The following CYTH1 variants were observed in gnomAD, a reference collection of about 807,000 sequenced individuals.
The protein encoded by CYTH1 is cytohesin 1, also known as cytohesin-1.
A neutral mutation model predicts 61.8 loss-of-function variants in CYTH1; 18 were observed. The observed-to-expected ratio is 0.29, with a 90% CI of 0.20 to 0.43. CYTH1 has a LOEUF of 0.43. Among genes scored for constraint, CYTH1 ranks in the 20% least tolerant of loss-of-function variants. The probability of loss-of-function intolerance (pLI) is 1.00; values close to 1 mark genes in which losing one functional copy is unlikely to be tolerated. For synonymous variants in CYTH1, 174 were observed against 184.3 expected (o/e 0.94, Z 0.45); for missense variants, 336 against 510.5 (o/e 0.66, Z 3.29).
chr17:78,706,286 C>A (rs1450324953), intron 3 of CYTH1, among the ~76,000 whole-genome samples: 1 of 152,032 alleles, frequency 6.6e-6, no homozygotes, highest in Non-Finnish European at 1.5e-5. Context: ...CCTTCCTAGT[C>A]AACCCCACCC....
intron 1 of CYTH1, among the ~76,000 whole-genome samples, chr17:78,776,994 G>A (rs143109332): frequency 2.0e-5 from 3 of 151,796 alleles, no homozygotes; most frequent in South Asian, 4.1e-4. Flanking sequence ...GCGTGGTGAC[G>A]CATGCCTGTA....
rs7212406 is a variant in CYTH1, at chr17:78,717,841, G to A, written c.23-8109C>T. On this transcript the variant is annotated intron_variant, in intron 1 of 13. Transcript: ENST00000446868. The surrounding 1 kb of genome is among the most constrained non-coding windows in gnomAD (Gnocchi z 4.4). ...GTGTCCAAGGCATGCTTTAGGACCAGGATGTCTCTTTGAGGTCATCCAGCT... is the reference window on the plus strand; with the variant it reads ...GTGTCCAAGGCATGCTTTAGGACCAAGATGTCTCTTTGAGGTCATCCAGCT... 0.067 allele frequency among the ~76,000 whole-genome samples: 10,239 copies of A among 152,154 alleles called. 686 individuals carry two copies. Among genetic ancestry groups the A allele is most frequent in the African/African-American group, 0.17 (6,857 of 41,472 alleles).
At chr17:78,760,439 A>ATG (rs1476369925) in intron 1 of CYTH1, among the ~76,000 whole-genome samples, 2 of 58,550 alleles carry the variant, frequency 3.4e-5, no homozygotes, top group African/African-American at 1.4e-4. Context: ...ATACATATAT[A>ATG]TATGTATATA....
At chr17:78,694,394 C>G (rs1015648830) in intron 10 of CYTH1, among the ~76,000 whole-genome samples, 3 of 152,124 alleles carry the variant, frequency 2.0e-5, no homozygotes, top group Admixed American at 1.3e-4. Context: ...TGCCACTGGT[C>G]CCTAAAGGTT....
chr17:78,772,315 T>C (rs1367416677), intron 1 of CYTH1, among the ~76,000 whole-genome samples: 1 of 152,180 alleles, frequency 6.6e-6, no homozygotes, highest in Non-Finnish European at 1.5e-5. Flanking sequence ...CTTTCATCTC[T>C]CCTGTTCCAA....
intron 1 of CYTH1, among the ~76,000 whole-genome samples, chr17:78,710,573 C>A (rs1450501532): frequency 6.6e-6 from 1 of 152,206 alleles, no homozygotes; most frequent in African/African-American, 2.4e-5. Flanking sequence ...ATCAAACAAA[C>A]CAGGTTCAAA....
intron 1 of CYTH1, among the ~76,000 whole-genome samples, chr17:78,756,017 T>G (rs1811529461): frequency 6.6e-6 from 1 of 151,862 alleles, no homozygotes; most frequent in African/African-American, 2.4e-5. Context: ...GTTTCACTGG[T>G]GTACAAAACT....
rs910287345 is a variant in CYTH1, at chr17:78,694,226, G to A, written c.815-1733C>T. ...TGCTGAACCCTAGGCGGGCTTACGT[G>A]ACTGATCATTAATTGCCAAGATTCC... On this transcript the variant is annotated intron_variant, in intron 10 of 13. Transcript: ENST00000446868. 2.6e-5 allele frequency among the ~76,000 whole-genome samples: 4 copies of A among 152,220 alleles called. No individual in the cohort carries two copies. The South Asian group carries it at 6.2e-4, about 24-fold the overall frequency.
At chr17:78,682,716 C>T (rs73999200) in intron 11 of CYTH1, among the ~76,000 whole-genome samples, 2,440 of 152,326 alleles carry the variant, frequency 0.016, 66 homozygotes, top group African/African-American at 0.056. Flanking sequence ...GCCCAGCATT[C>T]CTGCCTTCAG....
At chr17:78,733,535 G>A (rs1336695047) in intron 1 of CYTH1, among the ~76,000 whole-genome samples, 1 of 152,182 alleles carries the variant, frequency 6.6e-6, no homozygotes, top group Non-Finnish European at 1.5e-5. Context: ...CGCAGCCTGT[G>A]CTTGGAGCTG....
chr17:78,760,396 CAT>C (rs200639118), intron 1 of CYTH1, among the ~76,000 whole-genome samples: 6,483 of 39,756 alleles, frequency 0.16, 805 homozygotes, highest in Non-Finnish European at 0.23. Flanking sequence ...CACACACATA[CAT>C]ATATATATGT....
chr17:78,755,479 A>C (rs2093396871), intron 1 of CYTH1, among the ~76,000 whole-genome samples: 1 of 83,938 alleles, frequency 1.2e-5, no homozygotes, highest in Non-Finnish European at 2.2e-5. Context: ...TGATGTTGGC[A>C]GTGGGTTTAT....
chr17:78,688,165 G>C (rs192187902), intron 11 of CYTH1, among the ~76,000 whole-genome samples: 1 of 152,316 alleles, frequency 6.6e-6, no homozygotes, highest in African/African-American at 2.4e-5. Context: ...CCTGAGTAGT[G>C]AAACCAGAAA....
chr17:78,716,378 G>T (rs2093180677), intron 1 of CYTH1, among the ~76,000 whole-genome samples: 2 of 152,132 alleles, frequency 1.3e-5, no homozygotes, highest in South Asian at 4.1e-4. Flanking sequence ...TACAACTATG[G>T]TCACTAGAAA....
At chr17:78,692,853 A>G (rs2092902396) in intron 10 of CYTH1, among the ~76,000 whole-genome samples, 2 of 152,074 alleles carry the variant, frequency 1.3e-5, no homozygotes, top group Non-Finnish European at 2.9e-5. Context: ...AAAGAACAGA[A>G]AAAGAGGGAA....
chr17:78,692,724 G>A (rs761799800), intron 10 of CYTH1, among the ~76,000 whole-genome samples: 17 of 151,920 alleles, frequency 1.1e-4, no homozygotes, highest in East Asian at 1.9e-4. Context: ...GGTGACACCC[G>A]GAGATGGAAT....
At chr17:78,713,669 C>A (rs954782550) in intron 1 of CYTH1, among the ~76,000 whole-genome samples, 2 of 149,166 alleles carry the variant, frequency 1.3e-5, no homozygotes, top group Non-Finnish European at 3.0e-5. Flanking sequence ...AATATTCACA[C>A]ATGACAATTT....
intron 1 of CYTH1, among the ~76,000 whole-genome samples, chr17:78,715,400 G>A (rs978997685): frequency 6.6e-6 from 1 of 152,158 alleles, no homozygotes; most frequent in Non-Finnish European, 1.5e-5. Flanking sequence ...GCTACTTCAG[G>A]AGCAAGATGT....
rs1567841975 is a variant in CYTH1 at position 78,700,812 on chromosome 17, A to G, written c.438-369T>C. Among the ~76,000 whole-genome samples the G allele has an allele frequency of 6.6e-6, 1 of 152,174 alleles. No individual in the cohort carries two copies. The highest frequency in any genetic ancestry group is 1.5e-5 in the Non-Finnish European group (1 of 68,024). On this transcript the variant is annotated intron_variant, in intron 6 of 13. Transcript: ENST00000446868. This position sits in a 1 kb window ranked among gnomAD's most constrained non-coding sequence, Gnocchi z 5.1. ...AGTGCTGGGAGTACAGGTGTGAGCC[A>G]CGGTGCCTGACCACTGCCAATGATT...
Sources: allele counts gnomAD v4.1 joint callset (sites outside exome capture counted in the v4.1 genomes callset), GRCh38; gene constraint gnomAD v4.1.1; non-coding constraint Gnocchi (gnomAD v3.1); transcripts MANE v1.5; gene names NCBI Gene and HGNC (gene_info 2026-07-23, HGNC 2026-07-21).